The following HEPHL1 variants were observed in gnomAD, a reference collection of about 807,000 sequenced individuals.
HEPHL1 encodes ferroxidase HEPHL1.
A neutral mutation model predicts 122.0 loss-of-function variants in HEPHL1; 123 were observed. The ratio of observed to expected loss-of-function variants is 1.01; its 90% confidence interval spans 0.87 to 1.17. The LOEUF is 1.17. Ranked by LOEUF, HEPHL1 falls within the 50% of genes most tolerant of loss-of-function variation. The pLI, the probability that HEPHL1 is intolerant of heterozygous loss-of-function variation, is 0.00. For missense variants in HEPHL1, 1,452 were observed against 1,430.5 expected, an observed-to-expected ratio of 1.01 and a Z score of -0.24; for synonymous variants, 527 against 508.9, an observed-to-expected ratio of 1.04 and a Z score of -0.48.
At position 94,088,826 on chromosome 11, in the gene HEPHL1, A is replaced by C. The variant is rs1432098031; in HGVS notation, c.2152A>C (p.Ser718Arg). 1 of 1,614,014 alleles carries C rather than the reference A, an allele frequency of 6.2e-7. No homozygotes were observed. The highest frequency in any genetic ancestry group is 2.2e-5 in the East Asian group (1 of 44,882). The change falls in exon 12 of 20, where the codon AGC (serine) becomes CGC (arginine). Residue 718 changes from serine (S) to arginine (R), a missense_variant. Physicochemically the swap from Ser to Arg is moderately radical, Grantham distance 110. Coordinates refer to ENST00000315765, the MANE Select transcript of HEPHL1 (RefSeq NM_001098672.2). ...RGMGQIYEVS[S>R]CDNRDPSEQR... ...CATGGGTCAGATCTATGAGGTCAGCAGCTGTGACAACAGGGACCCTTCTGA... is the reference window on the plus strand; with the variant it reads ...CATGGGTCAGATCTATGAGGTCAGCCGCTGTGACAACAGGGACCCTTCTGA...
intron 13 of HEPHL1, among the ~76,000 whole-genome samples, chr11:94,098,014 C>T (rs1384536922): frequency 1.3e-5 from 2 of 152,166 alleles, no homozygotes; most frequent in Non-Finnish European, 2.9e-5. Flanking sequence ...CACCCATTTA[C>T]ATTTAAGGTT....
chr11:94,063,384 C>T (rs1946002147), intron 2 of HEPHL1, 124 bp from the exon 3 acceptor site: 1 of 753,272 alleles, frequency 1.3e-6, no homozygotes, highest in Non-Finnish European at 2.1e-6. Context: ...GCCTCAAGTC[C>T]CATAGCAAAT....
rs370633871 is a variant in HEPHL1, at chr11:94,045,700, G to A, written c.198G>A (p.Gly66=). 3.0e-5 allele frequency: 49 copies of A among 1,610,588 alleles called. No homozygotes were observed. The highest frequency in any genetic ancestry group is 2.9e-4 in the East Asian group (13 of 44,856). ...TTGCAACCTTATTTCTCGAAAGAGG[G>A]CCCAACAGGATAGGCAGTATTTACA... ...DKLATLFLER[G]PNRIGSIYKK... Residue 66 remains glycine, a synonymous_variant, in exon 2 of 20, where the codon GGG becomes GGA. Coordinates refer to ENST00000315765, the MANE Select transcript of HEPHL1 (RefSeq NM_001098672.2).
At chr11:94,026,642 C>T (rs759661147) in intron 1 of HEPHL1, among the ~76,000 whole-genome samples, 2 of 152,166 alleles carry the variant, frequency 1.3e-5, no homozygotes, top group African/African-American at 2.4e-5. Flanking sequence ...CCAGGCATTG[C>T]TTTAAAAGGT....
In HEPHL1 at chr11:94,113,141, C is replaced by CAATCT. The variant is rs1324365931; in HGVS notation, c.*1249_*1253dup. 2.0e-5 allele frequency: 3 copies of CAATCT among 146,610 alleles called. No homozygotes were observed. Among genetic ancestry groups the CAATCT allele is most frequent in the African/African-American group, 7.6e-5 (3 of 39,540 alleles). 9.1% of individuals were successfully genotyped at this position (146,610 alleles called of 1,614,324 possible). ...CAACTAAACTCAACCCATTATGAGG[C>CAATCT]AATCTACACTGTCCATACCTATGCT... On this transcript the variant is annotated 3_prime_UTR_variant, in exon 20 of 20. Coordinates refer to ENST00000315765, the MANE Select transcript of HEPHL1 (RefSeq NM_001098672.2).
At chr11:94,105,579 C>T (rs1946401412) in intron 16 of HEPHL1, among the ~76,000 whole-genome samples, 2 of 152,114 alleles carry the variant, frequency 1.3e-5, no homozygotes, top group Admixed American at 1.3e-4. Flanking sequence ...TTAAACTATT[C>T]TCAACAAGTG....
intron 13 of HEPHL1, among the ~76,000 whole-genome samples, chr11:94,098,327 G>T (rs1449417148): frequency 6.6e-6 from 1 of 152,192 alleles, no homozygotes; most frequent in Non-Finnish European, 1.5e-5. Context: ...CTTTAAGTAT[G>T]TTGAATATTG....
chr11:94,048,428 T>C (rs1451896996), intron 2 of HEPHL1, among the ~76,000 whole-genome samples: 2 of 152,128 alleles, frequency 1.3e-5, no homozygotes, highest in Admixed American at 6.6e-5. Flanking sequence ...AGTACAGTCA[T>C]GGTTCATTGC....
chr11:94,031,331 TACACAC>T (rs3058474), intron 1 of HEPHL1, among the ~76,000 whole-genome samples: 4,350 of 144,542 alleles, frequency 0.03, 185 homozygotes, highest in African/African-American at 0.097. Context: ...TGTGCATTGT[TACACAC>T]ACACACACAC....
intron 2 of HEPHL1, among the ~76,000 whole-genome samples, chr11:94,048,201 T>C (rs528426110): frequency 6.6e-6 from 1 of 152,318 alleles, no homozygotes; most frequent in South Asian, 2.1e-4. Flanking sequence ...CAATTGCATG[T>C]ATATACCACA....
At chr11:94,036,973 A>G (rs1326056414) in intron 1 of HEPHL1, among the ~76,000 whole-genome samples, 1 of 152,134 alleles carries the variant, frequency 6.6e-6, no homozygotes, top group Non-Finnish European at 1.5e-5. Flanking sequence ...TCATCTCACT[A>G]GGGAGTGCCA....
chr11:94,039,217 AAAGCAAGTCCT>A (rs1486602405), intron 1 of HEPHL1, among the ~76,000 whole-genome samples: 1 of 132,190 alleles, frequency 7.6e-6, no homozygotes, highest in Non-Finnish European at 1.6e-5. Context: ...CCAGATTCAT[AAAGCAAGTCCT>A]GAGTGACCTA....
At chr11:94,041,958 T>A in intron 1 of HEPHL1, among the ~76,000 whole-genome samples, 1 of 77,016 alleles carries the variant, frequency 1.3e-5, no homozygotes, top group African/African-American at 5.5e-5. Context: ...TGGGAGAAAA[T>A]TTTCGCAACC....
chr11:94,048,957 T>C (rs1247242381), intron 2 of HEPHL1, among the ~76,000 whole-genome samples: 1 of 151,794 alleles, frequency 6.6e-6, no homozygotes, highest in African/African-American at 2.4e-5. Flanking sequence ...CCATCTCTAC[T>C]AAAAATACAA....
rs778245077 is a variant in HEPHL1, at chr11:94,093,558, G to A, written c.2352G>A (p.Lys784=). Residue 784 remains lysine (K), a synonymous_variant, in exon 13 of 20, where the codon AAG becomes AAA. Transcript: ENST00000315765. ...ATTGGATTGGCTCTCAGTACAAGAA[G>A]GTGGTTTACAGGGAATATACGGATG... ...TENWIGSQYK[K]VVYREYTDGE... The A allele has an allele frequency of 2.5e-6, 4 of 1,613,774 alleles. No individual in the cohort carries two copies. The highest frequency in any genetic ancestry group is 3.4e-6 in the Non-Finnish European group (4 of 1,179,824).
At chr11:94,108,292 T>A (rs1946424335) in intron 17 of HEPHL1, among the ~76,000 whole-genome samples, 7 of 152,162 alleles carry the variant, frequency 4.6e-5, no homozygotes, top group Admixed American at 4.6e-4. Flanking sequence ...GCTTTATATA[T>A]TCTGGATACA....
In HEPHL1 at chr11:94,057,144, G is replaced by A. The variant is rs148709869; in HGVS notation, c.416-6364G>A. 7.5e-3 allele frequency among the ~76,000 whole-genome samples: 1,145 copies of A among 152,148 alleles called. 17 individuals carry two copies. The highest frequency in any genetic ancestry group is 0.027 in the African/African-American group (1,103 of 41,538). On this transcript the variant is annotated intron_variant, in intron 2 of 19. Coordinates refer to ENST00000315765, the MANE Select transcript of HEPHL1 (RefSeq NM_001098672.2). ...TAATCATATTGATGCTCCCTTGTAC[G>A]TGATAGGTCATTTTTGTCTATCTGA...
chr11:94,094,010 A>G (rs1418347442), intron 13 of HEPHL1, among the ~76,000 whole-genome samples: 1 of 123,520 alleles, frequency 8.1e-6, no homozygotes, highest in Non-Finnish European at 1.6e-5. Context: ...ATATATATAT[A>G]TATAAAACTT....
At chr11:94,073,514 A>G in intron 8 of HEPHL1, 75 bp downstream of exon 8, 1 of 1,429,962 alleles carries the variant, frequency 7.0e-7, no homozygotes, top group Non-Finnish European at 9.5e-7. Context: ...GTCCTGGTTC[A>G]AATCCTGGTC....
Sources: gnomAD v4.1 joint callset for allele counts (sites outside exome capture counted in the v4.1 genomes callset) on GRCh38, gnomAD v4.1.1 for gene constraint, MANE v1.5 for transcripts, NCBI Gene and HGNC (gene_info 2026-07-23, HGNC 2026-07-21) for gene names.